FAM13A: variants seen among roughly 807,000 people sequenced by gnomAD.
FAM13A encodes the protein protein FAM13A.
In FAM13A, 76 loss-of-function variants were observed where a neutral mutation model predicts 129.6. The observed-to-expected ratio is 0.59, with a 90% confidence interval of 0.49 to 0.71. The LOEUF (loss-of-function observed/expected upper bound fraction) is 0.71. Ranked by LOEUF, FAM13A falls within the 30% of genes least tolerant of loss-of-function variation. The pLI, the probability that FAM13A is intolerant of heterozygous loss-of-function variation, is 0.00. For missense variants in FAM13A, 1,108 were observed against 1,249.3 expected, an observed-to-expected ratio of 0.89 and a Z score of 1.70; for synonymous variants, 443 against 449.9, an observed-to-expected ratio of 0.98 and a Z score of 0.20.
intron 4 of FAM13A, among the ~76,000 whole-genome samples, chr4:88,980,979 G>GA (rs1761591488): frequency 1.3e-5 from 2 of 152,078 alleles, no homozygotes; most frequent in South Asian, 4.1e-4. Context: ...CTGCCACTAA[G>GA]AAAAAATGTA....
At chr4:88,980,794 A>G (rs1468493151) in intron 4 of FAM13A, among the ~76,000 whole-genome samples, 1 of 152,232 alleles carries the variant, frequency 6.6e-6, no homozygotes, top group East Asian at 1.9e-4. Context: ...TTAGCAGATA[A>G]AATGACAGCA....
intron 6 of FAM13A, among the ~76,000 whole-genome samples, chr4:88,865,633 C>A (rs192960132): frequency 1.3e-5 from 2 of 152,228 alleles, no homozygotes; most frequent in African/African-American, 4.8e-5. Flanking sequence ...AAACTTTTTC[C>A]GTAAAGGGCC....
Position 88,798,673 on chromosome 4 carries a change from T to C in FAM13A, c.1049+6338A>G, listed in dbSNP as rs182677701. Among the ~76,000 whole-genome samples, 40 of 152,350 alleles carry C rather than the reference T, an allele frequency of 2.6e-4. No individual in the cohort carries two copies. The South Asian group carries it at 5.0e-3, about 19-fold the overall frequency. On this transcript the variant is annotated intron_variant, in intron 8 of 23. Transcript: ENST00000264344. ...GCCATAGATGATGTGACTTTTGACA[T>C]GGCTTTTCTTTATCATTGCTACAGA...
At chr4:88,731,956 G>A (rs375095014) in intron 22 of FAM13A, 46 bp downstream of exon 22, 1 of 1,434,892 alleles carries the variant, frequency 7.0e-7, no homozygotes, top group Non-Finnish European at 9.6e-7. Context: ...ATTTAAGTGA[G>A]CTATTTTTAC....
At chr4:88,822,076 T>A (rs1732054954) in intron 7 of FAM13A, among the ~76,000 whole-genome samples, 1 of 152,228 alleles carries the variant, frequency 6.6e-6, no homozygotes, top group Admixed American at 6.5e-5. Context: ...CTATTTGATT[T>A]AAAATTTTTT....
rs900076882 is a variant in FAM13A at position 88,923,201 on chromosome 4, G to A, written c.759+14887C>T. Among the ~76,000 whole-genome samples, 28 of 152,282 alleles carry A rather than the reference G, an allele frequency of 1.8e-4. 2 individuals carry two copies. The highest frequency in any genetic ancestry group is 6.7e-4 in the African/African-American group (28 of 41,546). On this transcript the variant is annotated intron_variant, in intron 5 of 23. Transcript: ENST00000264344. Reference sequence around the variant, plus strand: ...GGGAATCCTCCCTAACTCATTTTATGAGGCCAGCATCATCCTGATACCAAA... The same window carrying A: ...GGGAATCCTCCCTAACTCATTTTATAAGGCCAGCATCATCCTGATACCAAA...
At chr4:88,880,785 G>GC (rs1743406390) in intron 6 of FAM13A, among the ~76,000 whole-genome samples, 1 of 20,504 alleles carries the variant, frequency 4.9e-5, no homozygotes. Flanking sequence ...GTGGGGGGCG[G>GC]GGGGGGGGGG....
chr4:88,761,547 A>G (rs13435721), intron 13 of FAM13A, among the ~76,000 whole-genome samples: 29,332 of 152,028 alleles, frequency 0.19, 2,936 homozygotes, highest in Middle Eastern at 0.3. Flanking sequence ...AGGACGGCAC[A>G]TCACACAGAA....
At chr4:88,770,102 C>A (rs1223893071) in intron 11 of FAM13A, among the ~76,000 whole-genome samples, 1 of 152,118 alleles carries the variant, frequency 6.6e-6, no homozygotes, top group Non-Finnish European at 1.5e-5. Context: ...TACTAGAATA[C>A]TAAGCATTAA....
intron 6 of FAM13A, among the ~76,000 whole-genome samples, chr4:88,902,778 G>C (rs545256229): frequency 6.6e-6 from 1 of 152,090 alleles, no homozygotes; most frequent in Admixed American, 6.6e-5. Context: ...GCAAGAGAAA[G>C]AAATAAACCG....
rs541822217 is a variant in FAM13A, at chr4:88,950,253, G to C, written c.606-12012C>G. Among the ~76,000 whole-genome samples the C allele has an allele frequency of 4.6e-5, 7 of 150,726 alleles. No homozygotes were observed. The East Asian group carries it at 1.4e-3, about 29-fold the overall frequency. Reference sequence around the variant, plus strand: ...GACAAGGTCTTGTTATGTTGCCCAGGCTGGAGTGGTGATCATTGCACACTG... The same window carrying C: ...GACAAGGTCTTGTTATGTTGCCCAGCCTGGAGTGGTGATCATTGCACACTG... On this transcript the variant is annotated intron_variant, in intron 4 of 23. Coordinates refer to ENST00000264344, the MANE Select transcript of FAM13A (RefSeq NM_014883.4).
intron 4 of FAM13A, among the ~76,000 whole-genome samples, chr4:88,944,926 CT>C (rs1399372815): frequency 6.6e-6 from 1 of 151,278 alleles, no homozygotes; most frequent in Non-Finnish European, 1.5e-5. Flanking sequence ...AAAGTTCAAT[CT>C]GAGATCCCTT....
At chr4:88,866,907 A>G (rs944340227) in intron 6 of FAM13A, among the ~76,000 whole-genome samples, 77 of 152,354 alleles carry the variant, frequency 5.1e-4, no homozygotes, top group African/African-American at 1.8e-3. Context: ...AACTTTTTAA[A>G]TTAAAAATTG....
chr4:88,958,958 AAGG>A (rs1378052087), intron 4 of FAM13A, among the ~76,000 whole-genome samples: 19 of 152,236 alleles, frequency 1.2e-4, no homozygotes, highest in African/African-American at 3.1e-4. Context: ...CATGAAGTCA[AAGG>A]AGATTATTTT....
intron 2 of FAM13A, among the ~76,000 whole-genome samples, chr4:89,028,491 G>A (rs1768274279): frequency 1.3e-5 from 2 of 151,870 alleles, no homozygotes; most frequent in Non-Finnish European, 2.9e-5. Context: ...AGAACCGGCT[G>A]GGGCAACATT....
At chr4:88,811,628 C>A (rs554054932) in intron 7 of FAM13A, among the ~76,000 whole-genome samples, 1 of 151,900 alleles carries the variant, frequency 6.6e-6, no homozygotes, top group Non-Finnish European at 1.5e-5. Flanking sequence ...GTTGCTTTAC[C>A]TTCCATTTGT....
At chr4:88,910,451 C>T (rs985554450) in intron 5 of FAM13A, among the ~76,000 whole-genome samples, 1 of 152,070 alleles carries the variant, frequency 6.6e-6, no homozygotes, top group African/African-American at 2.4e-5. Context: ...ACTTCCACAG[C>T]TCTTTTAAGG....
chr4:88,879,884 T>C (rs1743240053), intron 6 of FAM13A, among the ~76,000 whole-genome samples: 1 of 152,166 alleles, frequency 6.6e-6, no homozygotes. Context: ...ATTAAGATAA[T>C]GGGATTGTTT....
Position 88,727,237 on chromosome 4 carries a change from T to C in FAM13A, c.*1296A>G, listed in dbSNP as rs936152184. 3 of 152,512 alleles carry C rather than the reference T, an allele frequency of 2.0e-5. No individual in the cohort carries two copies. The highest frequency in any genetic ancestry group is 7.2e-5 in the African/African-American group (3 of 41,386). The allele number at this position is 152,512 out of a possible 1,614,324, so 9.4% of individuals were successfully genotyped here. ...GGCTCGGCCTCGCAAAGCACAAAGG[T>C]GGACACAGAACCCACTGTCCTTGGC... On this transcript the variant is annotated 3_prime_UTR_variant, in exon 24 of 24. Transcript: ENST00000264344.
Sources: gnomAD v4.1 joint callset for allele counts (sites outside exome capture counted in the v4.1 genomes callset) on GRCh38, gnomAD v4.1.1 for gene constraint, MANE v1.5 for transcripts, NCBI Gene and HGNC (gene_info 2026-07-23, HGNC 2026-07-21) for gene names.